ARHGEF39: variants seen among roughly 807,000 people sequenced by gnomAD.
ARHGEF39 encodes Rho guanine nucleotide exchange factor (GEF) 39.
Under a neutral mutation model 47.5 loss-of-function variants are expected in ARHGEF39, and 45 were observed. The ratio of observed to expected loss-of-function variants is 0.95; its 90% CI spans 0.75 to 1.22. ARHGEF39 has a LOEUF of 1.22. Among genes scored for constraint, ARHGEF39 ranks in the 50% most tolerant of loss-of-function variants. The pLI is 0.00. For missense variants in ARHGEF39, 411 were observed against 425.3 expected (o/e 0.97, Z 0.30); for synonymous variants, 164 against 167.8 (o/e 0.98, Z 0.17).
At chr9:35,662,473 A>G (rs1340143205) in intron 7 of ARHGEF39, 39 bp downstream of exon 7, 1 of 1,576,110 alleles carries the variant, frequency 6.3e-7, no homozygotes, top group Admixed American at 1.8e-5. Context: ...TAAGCATCTG[A>G]GACATATTTT....
chr9:35,665,186 C>G lies in ARHGEF39; in HGVS notation c.-17G>C. The G allele has an allele frequency of 2.1e-6, 3 of 1,461,136 alleles. No homozygotes were observed. Among genetic ancestry groups the G allele is most frequent in the South Asian group, 1.4e-5 (1 of 74,014 alleles). 90.5% of individuals were successfully genotyped at this position (1,461,136 alleles called of 1,614,324 possible). ...GAGCTCCATGCCCTGGCTGAGGGAT[C>G]GACACTTCCGGCTGCAGTCCGCGGC... On this transcript the variant is annotated 5_prime_UTR_variant, in exon 1 of 9. Transcript: ENST00000378387.
chr9:35,664,501 G>A lies in ARHGEF39; in HGVS notation c.234-9C>T. On this transcript the variant is annotated splice_polypyrimidine_tract_variant and intron_variant, in intron 2 of 8. Coordinates refer to ENST00000378387, the MANE Select transcript of ARHGEF39 (RefSeq NM_032818.3). ...GGTAGGGAAGCAGCTCCCTGTGTGG[G>A]CAAGGACAGCAAAAGGGCAGCTCTA... 6.3e-7 allele frequency: 1 copy of A among 1,586,208 alleles called. No homozygotes were observed. Among genetic ancestry groups the A allele is most frequent in the South Asian group, 1.1e-5 (1 of 86,984 alleles).
chr9:35,664,119 A>C lies in ARHGEF39; in HGVS notation c.362T>G (p.Leu121Arg). 4.3e-6 allele frequency: 7 copies of C among 1,613,934 alleles called. No individual in the cohort carries two copies. The highest frequency in any genetic ancestry group is 5.9e-6 in the Non-Finnish European group (7 of 1,179,808). The change falls in exon 4 of 9, where the codon CTA (leucine) becomes CGA (arginine). Residue 121 changes from leucine to arginine, a missense_variant. Transcript: ENST00000378387. ...ERSQTTLQEQ[L>R]KKNKGFRRFV... ...CCTCCGGAAACCTTTATTTTTCTTT[A>C]GCTGCTCCTGGAGTGAGGGAGAAAG...
In ARHGEF39 at chr9:35,663,036, G is replaced by A. The variant is rs753401743; in HGVS notation, c.583C>T (p.His195Tyr). The change falls in exon 6 of 9, where the codon CAT (histidine) becomes TAT (tyrosine). Residue 195 changes from histidine (H) to tyrosine (Y), a missense_variant. His to Tyr is a moderately conservative substitution (Grantham distance 83). Transcript: ENST00000378387. ...RLISETAQRV[H>Y]TIGQKQKNDQ... ...TTCTTCTGTTTCTGACCAATAGTAT[G>A]GACTCTCTGGGCAGTCTCACTTATC... 1.3e-5 allele frequency: 21 copies of A among 1,611,890 alleles called. No individual in the cohort carries two copies. Among genetic ancestry groups the A allele is most frequent in the Admixed American group, 1.7e-5 (1 of 59,944 alleles).
chr9:35,661,844 G>A lies in ARHGEF39; in HGVS notation c.*143C>T. The A allele has an allele frequency of 1.0e-6, 1 of 963,796 alleles. No individual in the cohort carries two copies. The highest frequency in any genetic ancestry group is 1.7e-5 in the South Asian group (1 of 60,500). 59.7% of individuals were successfully genotyped at this position (963,796 alleles called of 1,614,324 possible). On this transcript the variant is annotated 3_prime_UTR_variant, in exon 9 of 9. Coordinates refer to ENST00000378387, the MANE Select transcript of ARHGEF39 (RefSeq NM_032818.3). ...TTTTAAGAGTTGGTCAGATGATCTG[G>A]AGTAGCTTGGTCCAGGCAAACAGAA...
Position 35,661,066 on chromosome 9 carries a change from A to C in ARHGEF39, c.*921T>G, listed in dbSNP as rs201575851. 6 of 1,614,120 alleles carry C rather than the reference A, an allele frequency of 3.7e-6. No individual in the cohort carries two copies. The highest frequency in any genetic ancestry group is 5.1e-6 in the Non-Finnish European group (6 of 1,180,014). Reference sequence around the variant, plus strand: ...ACATGGAACCTAGCTACTTCCTGGGAGGTGGGGCGGGGACTACGGAGAAGG... The same window carrying C: ...ACATGGAACCTAGCTACTTCCTGGGCGGTGGGGCGGGGACTACGGAGAAGG... On this transcript the variant is annotated 3_prime_UTR_variant, in exon 9 of 9. Coordinates refer to ENST00000378387, the MANE Select transcript of ARHGEF39 (RefSeq NM_032818.3).
rs3174266 is a variant in ARHGEF39 at position 35,660,719 on chromosome 9, G to A, written c.*1268C>T. On this transcript the variant is annotated 3_prime_UTR_variant, in exon 9 of 9. Transcript: ENST00000378387. ...GAGGGAGGAATGGGGACATAGGTTG[G>A]GAGCCACTGAGTGGACATTTCTTCA... is the stretch of plus-strand genomic sequence containing the variant. The A allele has an allele frequency of 1.9e-3, 3,073 of 1,613,748 alleles. 7 individuals carry two copies. The highest frequency in any genetic ancestry group is 2.5e-3 in the Admixed American group (152 of 60,014).
At position 35,664,589 on chromosome 9, in the gene ARHGEF39, C is replaced by G. The variant is rs538412599; in HGVS notation, c.234-97G>C. 75 of 1,491,690 alleles carry G rather than the reference C, an allele frequency of 5.0e-5. No individual in the cohort carries two copies. In the South Asian group the frequency reaches 9.5e-4, roughly 19 times the overall value. The allele number at this position is 1,491,690 out of a possible 1,614,324, so 92.4% of individuals were successfully genotyped here. On this transcript the variant is annotated intron_variant, in intron 2 of 8. Transcript: ENST00000378387. ...AATAGCACTAATAGTAGTGCTATTACCCCATTGTACAGATGGAGAACAAGG... is the reference window on the plus strand; with the variant it reads ...AATAGCACTAATAGTAGTGCTATTAGCCCATTGTACAGATGGAGAACAAGG...
At chr9:35,664,702 G>C (rs1002637570) in intron 2 of ARHGEF39, 54 bp downstream of exon 2, 6 of 1,552,752 alleles carry the variant, frequency 3.9e-6, no homozygotes, top group East Asian at 2.3e-5. Flanking sequence ...CTCTGTGCAC[G>C]GCCACAGGCC....
Position 35,660,385 on chromosome 9 carries a change from CCTT to C in ARHGEF39, c.*1599_*1601del, listed in dbSNP as rs760477591. 4.4e-6 allele frequency: 7 copies of C among 1,581,716 alleles called. No individual in the cohort carries two copies. Among genetic ancestry groups the C allele is most frequent in the African/African-American group, 1.4e-5 (1 of 74,036 alleles). The stretch of plus-strand genomic sequence containing the variant: ...CCTTGTTGCTTCAGTACTGCCCTTT[CCTT>C]CTTCCACAACAGGGGAAAGATGAAA... On this transcript the variant is annotated 3_prime_UTR_variant, in exon 9 of 9. Transcript: ENST00000378387.
Position 35,660,534 on chromosome 9 carries a change from C to G in ARHGEF39, c.*1453G>C, listed in dbSNP as rs1426352569. 3 of 1,613,612 alleles carry G rather than the reference C, an allele frequency of 1.9e-6. No homozygotes were observed. The highest frequency in any genetic ancestry group is 2.5e-6 in the Non-Finnish European group (3 of 1,179,718). On this transcript the variant is annotated 3_prime_UTR_variant, in exon 9 of 9. Transcript: ENST00000378387. ...GCAGAAGATACATAACCACTTCTGCCCCCTTTTTTCCCTTATCCCCAGAGC... is the reference window on the plus strand; with the variant it reads ...GCAGAAGATACATAACCACTTCTGCGCCCTTTTTTCCCTTATCCCCAGAGC...
chr9:35,663,449 G>A, intron 4 of ARHGEF39, 57 bp from the exon 5 acceptor site: 1 of 1,454,194 alleles, frequency 6.9e-7, no homozygotes, highest in Non-Finnish European at 9.6e-7. Context: ...AATTCCCCCT[G>A]CCTGATGTGC....
rs1372854098 is a variant in ARHGEF39 at position 35,663,170 on chromosome 9, T to C, written c.545-96A>G. 4.4e-6 allele frequency: 7 copies of C among 1,597,478 alleles called. No homozygotes were observed. In the African/African-American group the frequency reaches 9.4e-5, roughly 21 times the overall value. On this transcript the variant is annotated intron_variant, in intron 5 of 8. Coordinates refer to ENST00000378387, the MANE Select transcript of ARHGEF39 (RefSeq NM_032818.3). The stretch of plus-strand genomic sequence containing the variant: ...ATTCTGGAAGGGACCAGGGTCAGGG[T>C]CTGACTTCTTGAAGAAAAGGCAGAG...
At position 35,661,126 on chromosome 9, in the gene ARHGEF39, G is replaced by T. The variant is rs773360401; in HGVS notation, c.*861C>A. On this transcript the variant is annotated 3_prime_UTR_variant, in exon 9 of 9. Transcript: ENST00000378387. The stretch of plus-strand genomic sequence containing the variant: ...GCTGTGGCAAAGGGCCCCAGTCACA[G>T]CCTTGGCTGGGAAGGAGGGACGACA... 2.1e-5 allele frequency: 34 copies of T among 1,613,096 alleles called. No individual in the cohort carries two copies. In the South Asian group the frequency reaches 3.6e-4, roughly 17 times the overall value.
At chr9:35,664,276 C>A (rs1157547239) in intron 3 of ARHGEF39, 96 bp downstream of exon 3, 8 of 1,530,538 alleles carry the variant, frequency 5.2e-6, no homozygotes, top group Middle Eastern at 1.8e-4. Context: ...AGCTGAGCAC[C>A]CAGAGGGCTC....
rs1228823470 is a variant in ARHGEF39 at position 35,660,398 on chromosome 9, CAG to C, written c.*1587_*1588del. 7.5e-6 allele frequency: 12 copies of C among 1,594,686 alleles called. No homozygotes were observed. The highest frequency in any genetic ancestry group is 5.4e-5 in the African/African-American group (4 of 74,368). On this transcript the variant is annotated 3_prime_UTR_variant, in exon 9 of 9. Transcript: ENST00000378387. ...GTACTGCCCTTTCCTTCTTCCACAA[CAG>C]GGGAAAGATGAAACTGCGGTTCTCC... is the stretch of plus-strand genomic sequence containing the variant.
chr9:35,663,938 C>A, intron 4 of ARHGEF39, 70 bp downstream of exon 4: 1 of 1,493,854 alleles, frequency 6.7e-7, no homozygotes, highest in Non-Finnish European at 9.3e-7. Context: ...CCCAAGGCAT[C>A]CCACAAAGCT....
rs368340247 is a variant in ARHGEF39 at position 35,660,491 on chromosome 9, G to A, written c.*1496C>T. On this transcript the variant is annotated 3_prime_UTR_variant, in exon 9 of 9. Transcript: ENST00000378387. ...GTTTAGCAGAAGTCTGTGCTGGGTC[G>A]GGGGAGTTTAGGGGACAGCAGAAGA... 2.9e-5 allele frequency: 46 copies of A among 1,613,112 alleles called. No individual in the cohort carries two copies. Among genetic ancestry groups the A allele is most frequent in the Admixed American group, 2.2e-4 (13 of 59,924 alleles).
chr9:35,664,545 C>G, intron 2 of ARHGEF39, 53 bp from the exon 3 acceptor site: 1 of 1,544,724 alleles, frequency 6.5e-7, no homozygotes, highest in Admixed American at 2.1e-5. Flanking sequence ...CAAGCACCAC[C>G]TCATTTAGTT....
Sources: gnomAD v4.1 joint callset for allele counts on GRCh38, gnomAD v4.1.1 for gene constraint, MANE v1.5 for transcripts, NCBI Gene and HGNC (gene_info 2026-07-23, HGNC 2026-07-21) for gene names.